SIDT1: variants seen among roughly 807,000 people sequenced by gnomAD.
SIDT1 encodes the protein SID1 transmembrane family member 1, also known as SID1 transmembrane family, member 1.
In SIDT1, 101 loss-of-function variants were observed where a neutral mutation model predicts 107.5. The observed-to-expected ratio is 0.94, with a 90% CI of 0.80 to 1.11. The LOEUF is 1.11. Among genes scored for constraint, SIDT1 ranks in the 50% least tolerant of loss-of-function variants. SIDT1 has a pLI of 0.00. For synonymous variants in SIDT1, 395 were observed against 398.2 expected (o/e 0.99, Z 0.10); for missense variants, 1,076 against 1,058.2 (o/e 1.02, Z -0.23).
intron 1 of SIDT1, among the ~76,000 whole-genome samples, chr3:113,538,292 G>T (rs1938421830): frequency 6.6e-6 from 1 of 152,212 alleles, no homozygotes; most frequent in African/African-American, 2.4e-5. Flanking sequence ...TGTGTCATGG[G>T]TTGTTTAGGA....
chr3:113,566,932 T>G (rs1941970855), intron 2 of SIDT1, among the ~76,000 whole-genome samples: 1 of 152,216 alleles, frequency 6.6e-6, no homozygotes, highest in African/African-American at 2.4e-5. Context: ...TAATATTTAT[T>G]GAGCCCTATT....
intron 9 of SIDT1, among the ~76,000 whole-genome samples, chr3:113,585,770 A>T (rs1943698699): frequency 6.6e-6 from 1 of 152,216 alleles, no homozygotes. Flanking sequence ...CTGTTGTAGC[A>T]TCAATTTTCC....
chr3:113,541,471 G>T lies in SIDT1; in HGVS notation c.222+8228G>T, dbSNP rs563576952. On this transcript the variant is annotated intron_variant, in intron 1 of 24. Coordinates refer to ENST00000264852, the MANE Select transcript of SIDT1 (RefSeq NM_017699.3). Reference sequence around the variant, plus strand: ...AGGCGTCAGCCTCCGGGCCCGGCCAGTACATATATATTTAAAGTTCTAGTC... The same window carrying T: ...AGGCGTCAGCCTCCGGGCCCGGCCATTACATATATATTTAAAGTTCTAGTC... 2.8e-3 allele frequency among the ~76,000 whole-genome samples: 432 copies of T among 152,274 alleles called. 3 individuals carry two copies. The highest frequency in any genetic ancestry group is 8.2e-3 in the African/African-American group (341 of 41,552).
intron 10 of SIDT1, among the ~76,000 whole-genome samples, chr3:113,597,300 C>T (rs1379067813): frequency 1.3e-5 from 2 of 151,976 alleles, no homozygotes; most frequent in African/African-American, 2.4e-5. Flanking sequence ...AGATTGAGAC[C>T]ATCCTGGCCA....
At chr3:113,537,203 A>G (rs975921012) in intron 1 of SIDT1, among the ~76,000 whole-genome samples, 4 of 152,138 alleles carry the variant, frequency 2.6e-5, no homozygotes, top group African/African-American at 9.7e-5. Flanking sequence ...CCCTGGAAGT[A>G]TTTCTTTTAT....
chr3:113,540,729 A>T (rs1035675789), intron 1 of SIDT1, among the ~76,000 whole-genome samples: 2 of 152,160 alleles, frequency 1.3e-5, no homozygotes, highest in African/African-American at 2.4e-5. Context: ...CTCTACAAGT[A>T]ACCATTAAAA....
chr3:113,572,331 G>A (rs1382330775), intron 3 of SIDT1, among the ~76,000 whole-genome samples: 2 of 152,230 alleles, frequency 1.3e-5, no homozygotes, highest in African/African-American at 4.8e-5. Flanking sequence ...GCAGACTAGT[G>A]CAGTCTTCAG....
rs1937620647 is a variant in SIDT1, at chr3:113,532,886, G to A, written c.-136G>A. 5.8e-6 allele frequency: 3 copies of A among 521,224 alleles called. No homozygotes were observed. Among genetic ancestry groups the A allele is most frequent in the Non-Finnish European group, 9.1e-6 (3 of 328,556 alleles). 32.3% of individuals were successfully genotyped at this position (521,224 alleles called of 1,614,324 possible). On this transcript the variant is annotated 5_prime_UTR_variant, in exon 1 of 25. Coordinates refer to ENST00000264852, the MANE Select transcript of SIDT1 (RefSeq NM_017699.3). ...CGTCAGCACGCTGCCAGCCCTGGCC[G>A]GCTGGGTTCGCCAGGCATCACCCGC...
At chr3:113,537,308 T>G (rs1025382167) in intron 1 of SIDT1, among the ~76,000 whole-genome samples, 1 of 152,190 alleles carries the variant, frequency 6.6e-6, no homozygotes, top group African/African-American at 2.4e-5. Flanking sequence ...TATAAACCAG[T>G]AGTTGTATAC....
downstream of SIDT1, among the ~76,000 whole-genome samples, chr3:113,632,323 C>T (rs139512022): frequency 7.1e-3 from 1,076 of 152,244 alleles, 8 homozygotes; most frequent in South Asian, 0.011. Context: ...GCAGAATATT[C>T]TCCAAAATAA....
rs776937611 is a variant in SIDT1 at position 113,623,446 on chromosome 3, T to C, written c.2110T>C (p.Tyr704His). 6.2e-7 allele frequency: 1 copy of C among 1,613,886 alleles called. No homozygotes were observed. The highest frequency in any genetic ancestry group is 1.7e-5 in the Admixed American group (1 of 60,018). ...NWSFALFGLI[Y>H]RPRDFASYML... ...CTGCAGCGCCCTCTTTGGATTGATATACCGCCCCAGGGACTTTGCTTCCTA... is the reference window on the plus strand; with the variant it reads ...CTGCAGCGCCCTCTTTGGATTGATACACCGCCCCAGGGACTTTGCTTCCTA... The change falls in exon 22 of 25, where the codon TAC (tyrosine) becomes CAC (histidine). Residue 704 changes from tyrosine to histidine, a missense_variant. Tyr to His is a moderately conservative substitution (Grantham distance 83). Transcript: ENST00000264852.
At chr3:113,576,897 C>T in intron 3 of SIDT1, 25 bp from the exon 4 acceptor site, 1 of 1,613,190 alleles carries the variant, frequency 6.2e-7, no homozygotes, top group East Asian at 2.2e-5. Flanking sequence ...TTTCCCCTTT[C>T]CCTTCTGCCA....
At chr3:113,591,042 G>T (rs1268974136) in intron 9 of SIDT1, among the ~76,000 whole-genome samples, 2 of 152,154 alleles carry the variant, frequency 1.3e-5, no homozygotes, top group Non-Finnish European at 1.5e-5. Context: ...CCTTATGAAG[G>T]AGACAAAAAG....
intron 7 of SIDT1, among the ~76,000 whole-genome samples, chr3:113,584,382 G>A (rs1177879680): frequency 2.0e-5 from 3 of 152,224 alleles, no homozygotes; most frequent in African/African-American, 7.2e-5. Context: ...TCACATGGCT[G>A]TGGATATCAG....
chr3:113,589,093 C>T (rs980403877), intron 9 of SIDT1, among the ~76,000 whole-genome samples: 2 of 152,166 alleles, frequency 1.3e-5, no homozygotes, highest in Non-Finnish European at 2.9e-5. Flanking sequence ...GATGCAGATT[C>T]GGAATTAGCA....
intron 9 of SIDT1, among the ~76,000 whole-genome samples, chr3:113,591,620 G>A (rs929609251): frequency 2.6e-5 from 4 of 152,196 alleles, no homozygotes; most frequent in African/African-American, 7.2e-5. Flanking sequence ...GGGTGAACCC[G>A]GGAGGCGGAG....
chr3:113,588,649 C>A (rs1033487148), intron 9 of SIDT1: 5 of 152,284 alleles, frequency 3.3e-5, no homozygotes, highest in African/African-American at 1.2e-4. Flanking sequence ...TGAAGCCCCC[C>A]ACGATGAATG....
chr3:113,580,838 G>T, intron 5 of SIDT1, 129 bp downstream of exon 5: 1 of 655,728 alleles, frequency 1.5e-6, no homozygotes, highest in African/African-American at 1.8e-5. Flanking sequence ...TAAACAATAC[G>T]AACAGTATCT....
chr3:113,606,987 G>C (rs1268646045), intron 14 of SIDT1, 54 bp from the exon 15 acceptor site: 1 of 1,115,682 alleles, frequency 9.0e-7, no homozygotes, highest in African/African-American at 1.5e-5. Flanking sequence ...TTCCTGCTGG[G>C]GCTCAGAGGA....
Sources: allele counts gnomAD v4.1 joint callset (sites outside exome capture counted in the v4.1 genomes callset), GRCh38; gene constraint gnomAD v4.1.1; transcripts MANE v1.5; gene names NCBI Gene and HGNC (gene_info 2026-07-23, HGNC 2026-07-21).